The following TRIM69 variants were observed in gnomAD, a reference collection of about 807,000 sequenced individuals.
TRIM69 encodes the protein tripartite motif containing 69.
Under a neutral mutation model 37.7 loss-of-function variants are expected in TRIM69, and 29 were observed. The ratio of observed to expected loss-of-function variants is 0.77; its 90% CI spans 0.57 to 1.05. The LOEUF is 1.05. Among genes scored for constraint, TRIM69 ranks in the 50% least tolerant of loss-of-function variants. The pLI is 0.00. For missense variants in TRIM69, 596 were observed against 579.9 expected (o/e 1.03, Z -0.28); for synonymous variants, 209 against 212.4 (o/e 0.98, Z 0.14).
In TRIM69 at chr15:44,755,628, C is replaced by A. The variant is rs977479103; in HGVS notation, c.483+252C>A. On this transcript the variant is annotated intron_variant, in intron 2 of 6. Coordinates refer to ENST00000329464, the MANE Select transcript of TRIM69 (RefSeq NM_182985.5). ...TAAACTCTGCCATGGTAGCACTCTG[C>A]TAAACACTGTGTAGAATATGGATAG... 5.9e-4 allele frequency among the ~76,000 whole-genome samples: 90 copies of A among 152,238 alleles called. 1 individual carries two copies. Among genetic ancestry groups the A allele is most frequent in the African/African-American group, 2.0e-3 (83 of 41,526 alleles).
In TRIM69 at chr15:44,739,430, G is replaced by A. The variant is rs1003782452; in HGVS notation, c.6+2720G>A. ...GTGAGCCGAAGCAGGGCGAGGCATT[G>A]CCTCACTCGGGAAGCGCAAGGGGTC... On this transcript the variant is annotated intron_variant, in intron 1 of 6. Coordinates refer to ENST00000329464, the MANE Select transcript of TRIM69 (RefSeq NM_182985.5). Among the ~76,000 whole-genome samples, 3 of 152,372 alleles carry A rather than the reference G, an allele frequency of 2.0e-5. No individual in the cohort carries two copies. The East Asian group carries it at 5.8e-4, about 29-fold the overall frequency.
At chr15:44,756,496 A>T in intron 3 of TRIM69, 33 bp downstream of exon 3, 1 of 1,424,216 alleles carries the variant, frequency 7.0e-7, no homozygotes, top group Non-Finnish European at 9.7e-7. Flanking sequence ...TATGAGATAG[A>T]ACTGGAACAC....
intron 1 of TRIM69, among the ~76,000 whole-genome samples, chr15:44,745,785 A>C (rs577575441): frequency 6.6e-6 from 1 of 152,296 alleles, no homozygotes; most frequent in South Asian, 2.1e-4. Flanking sequence ...GAAGTGTTCA[A>C]ATCAGATTTG....
At chr15:44,749,498 G>A (rs1596022562) in intron 1 of TRIM69, among the ~76,000 whole-genome samples, 1 of 152,250 alleles carries the variant, frequency 6.6e-6, no homozygotes, top group East Asian at 1.9e-4. Context: ...GACCTTTTGT[G>A]TCTGGGTTTT....
At chr15:44,746,615 G>T (rs2087412815) in intron 1 of TRIM69, among the ~76,000 whole-genome samples, 1 of 152,026 alleles carries the variant, frequency 6.6e-6, no homozygotes, top group South Asian at 2.1e-4. Flanking sequence ...CCATTCCTGT[G>T]GGCTGGAGGT....
chr15:44,742,934 T>A (rs2087323483), intron 1 of TRIM69, among the ~76,000 whole-genome samples: 1 of 151,408 alleles, frequency 6.6e-6, no homozygotes, highest in Non-Finnish European at 1.5e-5. Flanking sequence ...AAGCTACCAA[T>A]GACTTTCTTC....
rs757291126 is a variant in TRIM69 at position 44,759,834 on chromosome 15, A to G, written c.923A>G (p.Tyr308Cys). ...NLGQYKGPIQYMVWREMQDTL... is the reference protein window; with the variant it reads ...NLGQYKGPIQCMVWREMQDTL... ...GGCCAGTACAAAGGTCCTATCCAGT[A>G]CATGGTATGGAGGGAAATGCAGGAC... Residue 308 changes from tyrosine to cysteine, a missense_variant, in exon 6 of 7, where the codon TAC (tyrosine) becomes TGC (cysteine). Physicochemically the swap from Tyr to Cys is radical, Grantham distance 194. Transcript: ENST00000329464. 44 of 1,613,990 alleles carry G rather than the reference A, an allele frequency of 2.7e-5. No homozygotes were observed. Among genetic ancestry groups the G allele is most frequent in the Non-Finnish European group, 3.6e-5 (43 of 1,180,004 alleles).
chr15:44,762,031 T>A (rs1190733443), intron 6 of TRIM69, among the ~76,000 whole-genome samples: 1 of 152,120 alleles, frequency 6.6e-6, no homozygotes, highest in Non-Finnish European at 1.5e-5. Flanking sequence ...TGTGGTGCAA[T>A]CTCGGCTCAC....
In TRIM69 at chr15:44,755,209, T is replaced by A; in HGVS notation, c.316T>A (p.Leu106Ile). The A allele has an allele frequency of 6.2e-7, 1 of 1,614,198 alleles. No individual in the cohort carries two copies. The highest frequency in any genetic ancestry group is 8.5e-7 in the Non-Finnish European group (1 of 1,180,032). Residue 106 changes from leucine (L) to isoleucine (I), a missense_variant, in exon 2 of 7, where the codon TTA becomes ATA. Physicochemically the swap from Leu to Ile is conservative, Grantham distance 5. Transcript: ENST00000329464. The stretch of plus-strand genomic sequence containing the variant: ...CAAGTTGGTAGAGAAGATTAAGAAG[T>A]TACCCTTACTCAAGGGCCATCCACA... ...LDKLVEKIKK[L>I]PLLKGHPQCP...
intron 1 of TRIM69, 108 bp from the exon 2 acceptor site, chr15:44,754,792 A>T: frequency 1.3e-6 from 1 of 788,418 alleles, no homozygotes; most frequent in Non-Finnish European, 2.1e-6. Context: ...ATGTGCTTTT[A>T]CTTTAGTTGT....
Position 44,758,777 on chromosome 15 carries a change from C to G in TRIM69, c.736C>G (p.Gln246Glu). The change falls in exon 4 of 7, where the codon CAA (glutamine) becomes GAA (glutamate). Residue 246 changes from glutamine (Q) to glutamate (E), a missense_variant. Transcript: ENST00000329464. Reference protein sequence around the residue: ...MELNLSQLQEQCLLAKDMLVS... With the variant: ...MELNLSQLQEECLLAKDMLVS... ...GTTGAATCTGAGCCAGCTTCAGGAG[C>G]AATGTCTCTTAGCCAAGGATATGTT... The G allele has an allele frequency of 6.2e-7, 1 of 1,614,106 alleles. No individual in the cohort carries two copies. The highest frequency in any genetic ancestry group is 1.1e-5 in the South Asian group (1 of 91,070).
intron 1 of TRIM69, among the ~76,000 whole-genome samples, chr15:44,742,303 T>G (rs1395461919): frequency 1.9e-5 from 2 of 104,524 alleles, no homozygotes; most frequent in Non-Finnish European, 2.1e-5. Flanking sequence ...AATTAGGTAT[T>G]GATGGGATGT....
At chr15:44,738,109 A>T (rs1319843038) in intron 1 of TRIM69, among the ~76,000 whole-genome samples, 2 of 142,712 alleles carry the variant, frequency 1.4e-5, no homozygotes, top group Admixed American at 1.5e-4. Context: ...CTCAGGCTGG[A>T]GTGCAGTGGC....
At chr15:44,738,650 A>G (rs960616105) in intron 1 of TRIM69, among the ~76,000 whole-genome samples, 6 of 152,200 alleles carry the variant, frequency 3.9e-5, no homozygotes, top group African/African-American at 1.4e-4. Context: ...TCCACAAAAC[A>G]TATTGATGGG....
Position 44,767,447 on chromosome 15 carries a change from G to A in TRIM69, c.1178G>A (p.Gly393Glu), listed in dbSNP as rs758103609. 4.3e-6 allele frequency: 7 copies of A among 1,614,198 alleles called. No homozygotes were observed. Among genetic ancestry groups the A allele is most frequent in the Admixed American group, 1.7e-5 (1 of 60,016 alleles). ...GCAAAGAAGACAAAATGGACAGTTG[G>A]AGTTGTCAGAGAATCCATCATTCGG... The part of the protein sequence containing the change: ...EVAKKTKWTV[G>E]VVRESIIRKG... The change falls in exon 7 of 7, where the codon GGA (glycine) becomes GAA (glutamate). Residue 393 changes from glycine (G) to glutamate (E), a missense_variant. Transcript: ENST00000329464.
At chr15:44,748,597 G>A (rs3110176) in intron 1 of TRIM69, among the ~76,000 whole-genome samples, 117,759 of 151,552 alleles carry the variant, frequency 0.78, 46,447 homozygotes, top group Middle Eastern at 0.85. Flanking sequence ...GGCCAAGGTG[G>A]GTGGATCACT....
chr15:44,749,743 T>C (rs2087481278), intron 1 of TRIM69, among the ~76,000 whole-genome samples: 1 of 152,236 alleles, frequency 6.6e-6, no homozygotes, highest in African/African-American at 2.4e-5. Flanking sequence ...GGTATATTCC[T>C]AGAAGTGGAA....
intron 1 of TRIM69, chr15:44,754,205 C>A (rs528207698): frequency 6.6e-6 from 1 of 150,402 alleles, no homozygotes; most frequent in South Asian, 2.1e-4. Flanking sequence ...TGGCTTACTG[C>A]AACCTCTGCC....
rs2087711674 is a variant in TRIM69 at position 44,758,858 on chromosome 15, A to G, written c.813+4A>G. ...GAACTCCTTCGACTTTCTCAAAGTG[A>G]GAATCCACACCAATATGATTATGGG... On this transcript the variant is annotated splice_donor_region_variant and intron_variant, in intron 4 of 6. Transcript: ENST00000329464. 1.2e-6 allele frequency: 2 copies of G among 1,609,300 alleles called. No individual in the cohort carries two copies. Among genetic ancestry groups the G allele is most frequent in the South Asian group, 2.2e-5 (2 of 90,090 alleles).
Sources: gnomAD v4.1 joint callset for allele counts (sites outside exome capture counted in the v4.1 genomes callset) on GRCh38, gnomAD v4.1.1 for gene constraint, MANE v1.5 for transcripts, NCBI Gene and HGNC (gene_info 2026-07-23, HGNC 2026-07-21) for gene names.